Variants in CTIF observed in about 807,000 individuals in gnomAD.
CTIF encodes the protein CBP80/20-dependent translation initiation factor.
In CTIF, 21 loss-of-function variants were observed where a neutral mutation model predicts 66.0. The ratio of observed to expected loss-of-function variants is 0.32; its 90% CI spans 0.23 to 0.46. The LOEUF (loss-of-function observed/expected upper bound fraction) is 0.46. CTIF is among the 20% of genes least tolerant of loss of function. The pLI, the probability that CTIF is intolerant of heterozygous loss-of-function variation, is 1.00. For missense variants in CTIF, 739 were observed against 812.7 expected (o/e 0.91, Z 1.10); for synonymous variants, 345 against 326.4 (o/e 1.06, Z -0.62).
intron 1 of CTIF, among the ~76,000 whole-genome samples, chr18:48,583,824 A>G (rs934980992): frequency 6.6e-6 from 1 of 152,184 alleles, no homozygotes; most frequent in East Asian, 1.9e-4. Flanking sequence ...AGTGCCAAGG[A>G]TCCTGGGATG....
chr18:48,646,415 A>G (rs1319866640), intron 3 of CTIF, among the ~76,000 whole-genome samples: 2 of 150,072 alleles, frequency 1.3e-5, no homozygotes. Flanking sequence ...ATTTTTTTTA[A>G]AGTGACAATG....
At chr18:48,552,190 G>C (rs1381377158) in intron 1 of CTIF, among the ~76,000 whole-genome samples, 1 of 152,220 alleles carries the variant, frequency 6.6e-6, no homozygotes, top group Non-Finnish European at 1.5e-5. Context: ...AGCCATTACA[G>C]CTTCTGTTTC....
chr18:48,657,039 C>T, intron 3 of CTIF, among the ~76,000 whole-genome samples: 1 of 152,134 alleles, frequency 6.6e-6, no homozygotes, highest in South Asian at 2.1e-4. Context: ...GAAGATACAA[C>T]AAGGAAGTGG....
chr18:48,540,621 G>C (rs1005947754), intron 1 of CTIF, among the ~76,000 whole-genome samples: 1 of 152,122 alleles, frequency 6.6e-6, no homozygotes, highest in South Asian at 2.1e-4. Flanking sequence ...CGGGGTGTGC[G>C]GCGTGTAGAG....
At chr18:48,766,242 C>T in intron 9 of CTIF, among the ~76,000 whole-genome samples, 1 of 151,866 alleles carries the variant, frequency 6.6e-6, no homozygotes, top group Non-Finnish European at 1.5e-5. Flanking sequence ...TGCAAGAGGC[C>T]TGGGATGGGC....
intron 9 of CTIF, among the ~76,000 whole-genome samples, chr18:48,770,872 G>A (rs574926896): frequency 6.6e-5 from 10 of 152,272 alleles, no homozygotes; most frequent in East Asian, 3.9e-4. Context: ...CACACCACTC[G>A]GATGGCTCCA....
Position 48,761,205 on chromosome 18 carries a change from G to T in CTIF, c.1072-185G>T. 1 of 590,644 alleles carries T rather than the reference G, an allele frequency of 1.7e-6. No individual in the cohort carries two copies. Among genetic ancestry groups the T allele is most frequent in the Non-Finnish European group, 3.0e-6 (1 of 337,216 alleles). The allele number at this position is 590,644 out of a possible 1,614,324, so 36.6% of individuals were successfully genotyped here. ...GATGTCATAGGGGCCAAGAAAAAAG[G>T]CAACAAGGAGCTTTTGGCGCATGAG... On this transcript the variant is annotated intron_variant, in intron 8 of 11. Coordinates refer to ENST00000256413, the MANE Select transcript of CTIF (RefSeq NM_014772.3). The surrounding 1 kb of genome is among the most constrained non-coding windows in gnomAD (Gnocchi z 4.2).
At chr18:48,656,719 G>A (rs904358967) in intron 3 of CTIF, among the ~76,000 whole-genome samples, 1 of 152,200 alleles carries the variant, frequency 6.6e-6, no homozygotes, top group Non-Finnish European at 1.5e-5. Flanking sequence ...GAAGGATTCA[G>A]CAGTGTTTAA....
chr18:48,854,812 A>T (rs1409325008), intron 10 of CTIF, among the ~76,000 whole-genome samples: 1 of 152,204 alleles, frequency 6.6e-6, no homozygotes, highest in Non-Finnish European at 1.5e-5. Flanking sequence ...GGTCCCATCT[A>T]CGCAGGAGGC....
rs181023971 is a variant in CTIF, at chr18:48,796,321, C to T, written c.1372-20900C>T. ...CCCGAGTAGCTGGGACTACAGGCGACCGTCACCATGTCCAGCTAATTTTTT... is the reference window on the plus strand; with the variant it reads ...CCCGAGTAGCTGGGACTACAGGCGATCGTCACCATGTCCAGCTAATTTTTT... On this transcript the variant is annotated intron_variant, in intron 9 of 11. Coordinates refer to ENST00000256413, the MANE Select transcript of CTIF (RefSeq NM_014772.3). 3.3e-5 allele frequency among the ~76,000 whole-genome samples: 5 copies of T among 152,148 alleles called. No individual in the cohort carries two copies. In the East Asian group the frequency reaches 5.8e-4, roughly 18 times the overall value.
At chr18:48,660,241 G>A (rs1043071631) in intron 3 of CTIF, among the ~76,000 whole-genome samples, 5 of 151,224 alleles carry the variant, frequency 3.3e-5, no homozygotes, top group Admixed American at 3.3e-4. Flanking sequence ...AAATGTGAGA[G>A]TCTGTCACCT....
At chr18:48,674,578 G>A (rs1355468483) in intron 6 of CTIF, among the ~76,000 whole-genome samples, 2 of 152,238 alleles carry the variant, frequency 1.3e-5, no homozygotes, top group Non-Finnish European at 2.9e-5. Context: ...CCAAAGCCAA[G>A]GCCCCTATTC....
At chr18:48,722,574 A>G (rs1404720246) in intron 7 of CTIF, among the ~76,000 whole-genome samples, 3 of 152,022 alleles carry the variant, frequency 2.0e-5, no homozygotes, top group African/African-American at 7.3e-5. Flanking sequence ...TCACAGGTGT[A>G]AGTACCCAGC....
intron 1 of CTIF, among the ~76,000 whole-genome samples, chr18:48,602,465 A>G (rs1207061324): frequency 6.6e-6 from 1 of 152,224 alleles, no homozygotes; most frequent in Non-Finnish European, 1.5e-5. Context: ...TCATGAAGGC[A>G]TTATGGCATA....
chr18:48,590,042 A>C (rs1019315089), intron 1 of CTIF, among the ~76,000 whole-genome samples: 1 of 151,930 alleles, frequency 6.6e-6, no homozygotes, highest in African/African-American at 2.4e-5. Context: ...CTGGAAGTTC[A>C]TTGTTGCTCT....
chr18:48,696,878 T>C (rs919614534), intron 6 of CTIF, among the ~76,000 whole-genome samples: 1 of 152,200 alleles, frequency 6.6e-6, no homozygotes, highest in African/African-American at 2.4e-5. Flanking sequence ...CTGTGGTGTG[T>C]TGTCACCATG....
chr18:48,742,784 T>C (rs1409620063), intron 7 of CTIF, among the ~76,000 whole-genome samples: 2 of 152,204 alleles, frequency 1.3e-5, no homozygotes, highest in East Asian at 3.9e-4. Context: ...GGGTCCAGTG[T>C]CTGGCTCTCC....
At chr18:48,839,138 C>T (rs1264488858) in intron 10 of CTIF, among the ~76,000 whole-genome samples, 4 of 152,170 alleles carry the variant, frequency 2.6e-5, no homozygotes, top group African/African-American at 4.8e-5. Flanking sequence ...CTCCACGGCT[C>T]GGCTAGGCCA....
chr18:48,618,451 G>C (rs1017275978), intron 1 of CTIF, among the ~76,000 whole-genome samples: 5 of 152,190 alleles, frequency 3.3e-5, no homozygotes, highest in African/African-American at 1.2e-4. Context: ...TGGCAGATCA[G>C]GATCTTCCAT....
Sources: allele counts gnomAD v4.1 joint callset (sites outside exome capture counted in the v4.1 genomes callset), GRCh38; gene constraint gnomAD v4.1.1; non-coding constraint Gnocchi (gnomAD v3.1); transcripts MANE v1.5; gene names NCBI Gene and HGNC (gene_info 2026-07-23, HGNC 2026-07-21).